Variants in POLB observed in about 807,000 individuals in gnomAD.
The protein encoded by POLB is 5'-dRP lyase.
A neutral mutation model predicts 52.7 loss-of-function variants in POLB; 37 were observed. The observed-to-expected ratio is 0.70, with a 90% CI of 0.54 to 0.92. POLB has a LOEUF of 0.92. Among genes scored for constraint, POLB ranks in the 40% least tolerant of loss-of-function variants. The pLI is 0.00. For missense variants in POLB, 313 were observed against 400.8 expected (o/e 0.78, Z 1.87); for synonymous variants, 138 against 131.3 (o/e 1.05, Z -0.35).
rs748005734 is a variant in POLB at position 42,355,574 on chromosome 8, T to G, written c.422+7T>G. 10 of 1,576,694 alleles carry G rather than the reference T, an allele frequency of 6.3e-6. No homozygotes were observed. The highest frequency in any genetic ancestry group is 2.6e-6 in the Non-Finnish European group (3 of 1,147,072). On this transcript the variant is annotated splice_region_variant and intron_variant, in intron 7 of 13. Transcript: ENST00000265421. ...ATCAGCGAATTGGGCTGAAGTAAGA[T>G]GGCAGATTTTCTTTTGACACTTGAG...
At chr8:42,369,036 A>T (rs3136794) in intron 11 of POLB, 7 of 333,364 alleles carry the variant, frequency 2.1e-5, no homozygotes, top group Non-Finnish European at 3.3e-5. Context: ...TCACACAAAG[A>T]CCAAATCCTC....
At chr8:42,357,029 T>G in intron 7 of POLB, 140 bp from the exon 8 acceptor site, 1 of 594,334 alleles carries the variant, frequency 1.7e-6, no homozygotes, top group Non-Finnish European at 3.0e-6. Context: ...GCTGTTGTCA[T>G]CTCAGTGAAT....
intron 2 of POLB, 69 bp downstream of exon 2, chr8:42,339,138 G>C: frequency 1.7e-6 from 2 of 1,174,476 alleles, no homozygotes; most frequent in Non-Finnish European, 2.6e-6. Context: ...CAATTAACAG[G>C]ACTGAGGGCC....
chr8:42,364,728 G>C (rs957379299), intron 11 of POLB, among the ~76,000 whole-genome samples: 1 of 152,174 alleles, frequency 6.6e-6, no homozygotes, highest in African/African-American at 2.4e-5. Context: ...GAAGATAGTT[G>C]AGAAAGATAA....
intron 6 of POLB, among the ~76,000 whole-genome samples, chr8:42,355,237 A>G (rs1234903239): frequency 6.6e-6 from 1 of 151,688 alleles, no homozygotes; most frequent in Non-Finnish European, 1.5e-5. Context: ...ATGGGGTTTC[A>G]CCATGTTGGC....
chr8:42,343,071 C>T (rs907390023), intron 2 of POLB, among the ~76,000 whole-genome samples: 1 of 151,712 alleles, frequency 6.6e-6, no homozygotes, highest in Non-Finnish European at 1.5e-5. Context: ...GCCTGTAATC[C>T]CAGCACTTTG....
At chr8:42,351,673 T>G (rs911038579) in intron 5 of POLB, among the ~76,000 whole-genome samples, 2 of 152,234 alleles carry the variant, frequency 1.3e-5, no homozygotes, top group Admixed American at 1.3e-4. Flanking sequence ...TATAAGAGCA[T>G]CTTCAGTCAT....
In POLB at chr8:42,368,875, AAGCTTTTTTGTTTGAGACTATACTGGT is replaced by A. The variant is rs1321449361; in HGVS notation, c.709-381_709-355del. ...ATAGAGTATCTTCTGTTATTACTGGAAGCTTTTTTGTTTGAGACTATACTGGTAGCTTTTTTGTTTGTTTTCTTCTTC... is the reference window on the plus strand; with the variant it reads ...ATAGAGTATCTTCTGTTATTACTGGAAGCTTTTTTGTTTGTTTTCTTCTTC... On this transcript the variant is annotated intron_variant, in intron 11 of 13. Coordinates refer to ENST00000265421, the MANE Select transcript of POLB (RefSeq NM_002690.3). 15 of 154,160 alleles carry A rather than the reference AAGCTTTTTTGTTTGAGACTATACTGGT, an allele frequency of 9.7e-5. No individual in the cohort carries two copies. The East Asian group carries it at 2.8e-3, about 29-fold the overall frequency. 9.5% of individuals were successfully genotyped at this position (154,160 alleles called of 1,614,324 possible).
chr8:42,369,927 T>G lies in POLB; in HGVS notation c.852T>G (p.Ala284=). The G allele has an allele frequency of 6.2e-7, 1 of 1,601,720 alleles. No homozygotes were observed. Residue 284 remains alanine (A), a synonymous_variant, in exon 13 of 14, where the codon GCT becomes GCG. Coordinates refer to ENST00000265421, the MANE Select transcript of POLB (RefSeq NM_002690.3). ...ATATTTTCAATAAGAATATGAGGGC[T>G]CATGCCCTAGAAAAGGGTTTCACAA... ...GSDIFNKNMR[A]HALEKGFTIN... is the part of the protein sequence containing the mutation.
chr8:42,366,104 G>GAA (rs113409823), intron 11 of POLB, among the ~76,000 whole-genome samples: 1 of 141,212 alleles, frequency 7.1e-6, no homozygotes, highest in African/African-American at 2.6e-5. Context: ...CCTCCCAAAG[G>GAA]AAAAAAAAAA....
chr8:42,369,928 C>T lies in POLB; in HGVS notation c.853C>T (p.His285Tyr), dbSNP rs1269425981. 4 of 1,601,848 alleles carry T rather than the reference C, an allele frequency of 2.5e-6. No individual in the cohort carries two copies. The highest frequency in any genetic ancestry group is 4.5e-5 in the East Asian group (2 of 44,840). The change falls in exon 13 of 14, where the codon CAT (histidine) becomes TAT (tyrosine). Residue 285 changes from histidine (H) to tyrosine (Y), a missense_variant. By Grantham distance (83) the His-to-Tyr change is moderately conservative (BLOSUM62 2). Transcript: ENST00000265421. The part of the protein sequence containing the change: ...SDIFNKNMRA[H>Y]ALEKGFTINE... ...TATTTTCAATAAGAATATGAGGGCT[C>T]ATGCCCTAGAAAAGGGTTTCACAAT...
chr8:42,357,702 G>T, intron 9 of POLB: 7 of 228,340 alleles, frequency 3.1e-5, no homozygotes, highest in Non-Finnish European at 5.9e-5. Flanking sequence ...GTTGTGGGTA[G>T]TTTTGTTAAT....
At chr8:42,359,758 G>A (rs1823559245) in intron 9 of POLB, among the ~76,000 whole-genome samples, 1 of 150,902 alleles carries the variant, frequency 6.6e-6, no homozygotes, top group Non-Finnish European at 1.5e-5. Flanking sequence ...CCCTTGGGTT[G>A]TTTCTCTTTC....
intron 3 of POLB, among the ~76,000 whole-genome samples, chr8:42,348,062 A>G (rs1212433276): frequency 6.6e-6 from 1 of 152,234 alleles, no homozygotes; most frequent in African/African-American, 2.4e-5. Context: ...TGTGAAAAAA[A>G]GGACCCTCAT....
intron 9 of POLB, chr8:42,357,650 T>C (rs1823402204): frequency 5.5e-6 from 2 of 361,830 alleles, no homozygotes; most frequent in Non-Finnish European, 9.8e-6. Context: ...ATTGAAATGC[T>C]AGTAATGGTT....
intron 9 of POLB, among the ~76,000 whole-genome samples, chr8:42,360,616 G>A (rs1823614510): frequency 6.6e-6 from 1 of 152,138 alleles, no homozygotes; most frequent in African/African-American, 2.4e-5. Flanking sequence ...CATCTCAGTG[G>A]AGACAGAATT....
chr8:42,362,790 T>G, intron 11 of POLB, 92 bp downstream of exon 11: 1 of 701,046 alleles, frequency 1.4e-6, no homozygotes, highest in Non-Finnish European at 2.5e-6. Context: ...TAGCTTTGAA[T>G]TACAGTCACC....
At chr8:42,361,256 T>G (rs1459075911) in intron 9 of POLB, 39 bp from the exon 10 acceptor site, 1 of 1,477,702 alleles carries the variant, frequency 6.8e-7, no homozygotes, top group Non-Finnish European at 9.5e-7. Flanking sequence ...ATTGATACAT[T>G]TACATGGACA....
At chr8:42,369,573 C>T in intron 12 of POLB, 1 of 522,112 alleles carries the variant, frequency 1.9e-6, no homozygotes, top group Non-Finnish European at 3.4e-6. Flanking sequence ...TTCCACAGCT[C>T]AAAAGTCATT....
Sources: allele counts gnomAD v4.1 joint callset (sites outside exome capture counted in the v4.1 genomes callset), GRCh38; gene constraint gnomAD v4.1.1; transcripts MANE v1.5; gene names NCBI Gene and HGNC (gene_info 2026-07-23, HGNC 2026-07-21).